Variants in TRIP12 observed in about 807,000 individuals in gnomAD.
The protein encoded by TRIP12 is thyroid hormone receptor interactor 12, also known as E3 ubiquitin-protein ligase TRIP12.
Under a neutral mutation model 244.2 loss-of-function variants are expected in TRIP12, and 25 were observed. The observed-to-expected ratio is 0.10, with a 90% CI of 0.07 to 0.14. The LOEUF (loss-of-function observed/expected upper bound fraction) is 0.14, where lower values mean the gene tolerates loss of function less well. Among genes scored for constraint, TRIP12 ranks in the 10% least tolerant of loss-of-function variants. The pLI is 1.00. For missense variants in TRIP12, 1,677 were observed against 2,486.4 expected, an observed-to-expected ratio of 0.67 and a Z score of 6.92; for synonymous variants, 905 against 873.1, an observed-to-expected ratio of 1.04 and a Z score of -0.64.
intron 4 of TRIP12, among the ~76,000 whole-genome samples, chr2:229,846,139 G>A (rs2057539718): frequency 6.6e-6 from 1 of 151,876 alleles, no homozygotes; most frequent in Non-Finnish European, 1.5e-5. Context: ...CATAAACTTA[G>A]TGATAAAGCA....
intron 41 of TRIP12, 54 bp from the exon 42 acceptor site, chr2:229,767,804 T>TA: frequency 1.3e-6 from 2 of 1,541,444 alleles, no homozygotes; most frequent in Non-Finnish European, 1.8e-6. Context: ...AAACATCAGC[T>TA]ATCAGAAAAC....
At chr2:229,814,646 A>G (rs2048066854) in intron 11 of TRIP12, among the ~76,000 whole-genome samples, 5 of 152,224 alleles carry the variant, frequency 3.3e-5, no homozygotes, top group Admixed American at 3.3e-4. Flanking sequence ...TTAACTTTAC[A>G]CCATACTGCA....
chr2:229,831,889 T>TG (rs1553657473), intron 6 of TRIP12, among the ~76,000 whole-genome samples: 1 of 144,788 alleles, frequency 6.9e-6, no homozygotes, highest in Non-Finnish European at 1.5e-5. Flanking sequence ...TTTTTTGGGT[T>TG]TTTTTTTTTT....
Position 229,860,374 on chromosome 2 carries a change from C to T in TRIP12, c.224+32G>A, listed in dbSNP as rs755510695. The T allele has an allele frequency of 3.2e-6, 5 of 1,579,298 alleles. No individual in the cohort carries two copies. In the East Asian group the frequency reaches 1.1e-4, roughly 36 times the overall value. ...ATGATTTGAATGCAAATAATTCTGC[C>T]TTGAAAATGTATAAGCAACATGAAG... On this transcript the variant is annotated intron_variant, in intron 3 of 41. Transcript: ENST00000675903.
At chr2:229,906,517 C>A (rs2072874642) in intron 1 of TRIP12, among the ~76,000 whole-genome samples, 1 of 149,414 alleles carries the variant, frequency 6.7e-6, no homozygotes, top group Admixed American at 6.7e-5. Flanking sequence ...GTCAAGAGAT[C>A]GAGACCATCC....
At chr2:229,795,065 AGCT>A in intron 26 of TRIP12, 111 bp downstream of exon 26, 1 of 1,248,760 alleles carries the variant, frequency 8.0e-7, no homozygotes, top group Non-Finnish European at 1.1e-6. Context: ...TCATCATTAC[AGCT>A]GAATGTTTTC....
chr2:229,888,760 G>A (rs1000868359), intron 1 of TRIP12, among the ~76,000 whole-genome samples: 2 of 151,948 alleles, frequency 1.3e-5, no homozygotes, highest in South Asian at 2.1e-4. Flanking sequence ...CCAAGATTGC[G>A]CCACTGCTCT....
intron 33 of TRIP12, among the ~76,000 whole-genome samples, chr2:229,786,660 G>A (rs1435783867): frequency 2.9e-5 from 4 of 136,338 alleles, no homozygotes; most frequent in South Asian, 4.7e-4. Flanking sequence ...CTCATGATCC[G>A]CCCGCCTCGG....
Position 229,785,801 on chromosome 2 carries a change from G to A in TRIP12, c.5050C>T (p.Leu1684Phe). Residue 1684 changes from leucine (L) to phenylalanine (F), a missense_variant, in exon 34 of 42, where the codon CTC (leucine) becomes TTC (phenylalanine). By Grantham distance (22) the Leu-to-Phe change is conservative. Around this residue, in one of 11 missense-constraint regions of TRIP12, gnomAD observed 30 missense variants for 64.7 expected, o/e 0.46. Coordinates refer to ENST00000675903, the MANE Select transcript of TRIP12 (RefSeq NM_001348323.3). The part of the protein sequence containing the change: ...LKQAESVMQD[L>F]GSSRAMLEIQ... ...TCTAACATGGCCCGTGAGCTGCCGA[G>A]GTCCTGCATCACAGACTCCGCCTGT... 6.2e-7 allele frequency: 1 copy of A among 1,613,584 alleles called. No individual in the cohort carries two copies. Among genetic ancestry groups the A allele is most frequent in the Non-Finnish European group, 8.5e-7 (1 of 1,179,798 alleles).
At chr2:229,901,620 G>GAA (rs57457531) in intron 1 of TRIP12, among the ~76,000 whole-genome samples, 36,623 of 143,302 alleles carry the variant, frequency 0.26, 5,615 homozygotes, top group Middle Eastern at 0.45. Context: ...GAGACTGTCT[G>GAA]AAAAAAAAAA....
chr2:229,796,299 A>C (rs2042801323), intron 25 of TRIP12, among the ~76,000 whole-genome samples: 1 of 152,248 alleles, frequency 6.6e-6, no homozygotes, highest in Non-Finnish European at 1.5e-5. Context: ...TATTGCAAGT[A>C]AAATACATTC....
intron 13 of TRIP12, among the ~76,000 whole-genome samples, chr2:229,813,584 G>C (rs577686314): frequency 1.1e-3 from 161 of 152,212 alleles, no homozygotes; most frequent in Admixed American, 4.0e-3. Context: ...AGGAGTTCAA[G>C]ACCAGCCTGG....
Position 229,767,715 on chromosome 2 carries a change from G to A in TRIP12, c.6043C>T (p.Arg2015Ter). Reference protein sequence around the residue: ...RSLNPPLTIVRKTFESTENPD... With the variant: ...RSLNPPLTIV ...TTTTCTGTTGATTCAAACGTCTTTC[G>A]GACAATTGTCAAAGGTGGATTCAAA... The change falls in exon 42 of 42, where the codon CGA (arginine) becomes TGA (stop). Residue 2015 changes from arginine to a stop codon, truncating the protein, a stop_gained. Transcript: ENST00000675903. LOFTEE classifies it high-confidence loss of function. The A allele has an allele frequency of 1.2e-6, 2 of 1,613,272 alleles. No individual in the cohort carries two copies. The highest frequency in any genetic ancestry group is 1.7e-6 in the Non-Finnish European group (2 of 1,179,696).
intron 8 of TRIP12, among the ~76,000 whole-genome samples, chr2:229,825,715 T>C (rs1480407029): frequency 6.6e-6 from 1 of 152,138 alleles, no homozygotes; most frequent in Admixed American, 6.5e-5. Context: ...GTGGGGATTA[T>C]GGGGATTGCA....
At chr2:229,831,780 T>C (rs2053457748) in intron 6 of TRIP12, among the ~76,000 whole-genome samples, 1 of 151,698 alleles carries the variant, frequency 6.6e-6, no homozygotes, top group African/African-American at 2.4e-5. Context: ...AGGTAGAGTC[T>C]ATTATAAATC....
In TRIP12 at chr2:229,811,027, C is replaced by T; in HGVS notation, c.2074G>A (p.Ala692Thr). 2 of 1,613,942 alleles carry T rather than the reference C, an allele frequency of 1.2e-6. No individual in the cohort carries two copies. The highest frequency in any genetic ancestry group is 1.7e-6 in the Non-Finnish European group (2 of 1,179,948). The change falls in exon 15 of 42, where the codon GCT (alanine) becomes ACT (threonine). Residue 692 changes from alanine (A) to threonine (T), a missense_variant. Coordinates refer to ENST00000675903, the MANE Select transcript of TRIP12 (RefSeq NM_001348323.3). ...QHEENLLQQV[A>T]SKDLLTNVQQ... ...ACATTTGTAAGCAGATCTTTGGAAG[C>T]AACCTGCTGGAGTAAATTCTTCACA... is the stretch of plus-strand genomic sequence containing the variant.
intron 7 of TRIP12, 123 bp from the exon 8 acceptor site, chr2:229,829,411 G>A: frequency 4.2e-6 from 3 of 708,734 alleles, no homozygotes; most frequent in South Asian, 2.2e-5. Flanking sequence ...TTTGCTTTCT[G>A]GACTTTTAAG....
intron 34 of TRIP12, among the ~76,000 whole-genome samples, chr2:229,784,561 G>C: frequency 6.8e-6 from 1 of 147,770 alleles, no homozygotes; most frequent in Non-Finnish European, 1.5e-5. Flanking sequence ...GAAAATTTCT[G>C]CTCTTCCAAA....
chr2:229,867,589 C>A lies in TRIP12; in HGVS notation c.99-7058G>T, dbSNP rs995801486. ...CTCTGTATTACAAGAAAACAGCCTT[C>A]CAAATGTGATAAAAAAGCTTGCAGT... is the stretch of plus-strand genomic sequence containing the variant. On this transcript the variant is annotated intron_variant, in intron 2 of 41. Coordinates refer to ENST00000675903, the MANE Select transcript of TRIP12 (RefSeq NM_001348323.3). Among the ~76,000 whole-genome samples, 13 of 152,076 alleles carry A rather than the reference C, an allele frequency of 8.5e-5. 1 individual carries two copies. The highest frequency in any genetic ancestry group is 3.1e-4 in the African/African-American group (13 of 41,400).
Sources: allele counts gnomAD v4.1 joint callset (sites outside exome capture counted in the v4.1 genomes callset), GRCh38; gene constraint gnomAD v4.1.1; regional missense constraint gnomAD v4.1.1; transcripts MANE v1.5; gene names NCBI Gene and HGNC (gene_info 2026-07-23, HGNC 2026-07-21).